The following HSD17B12 variants were observed in gnomAD, a reference collection of about 807,000 sequenced individuals.
The protein encoded by HSD17B12 is hydroxysteroid 17-beta dehydrogenase 12, also known as very-long-chain 3-oxoacyl-CoA reductase.
A neutral mutation model predicts 39.3 loss-of-function variants in HSD17B12; 32 were observed. The observed-to-expected ratio is 0.81, with a 90% confidence interval of 0.61 to 1.09. HSD17B12 has a LOEUF of 1.09. Among genes scored for constraint, HSD17B12 ranks in the 50% least tolerant of loss-of-function variants. The pLI, the probability that HSD17B12 is intolerant of heterozygous loss-of-function variation, is 0.00. For synonymous variants in HSD17B12, 150 were observed against 146.7 expected, an observed-to-expected ratio of 1.02 and a Z score of -0.16; for missense variants, 342 against 382.9, an observed-to-expected ratio of 0.89 and a Z score of 0.89.
the HSD17B12 span, among the ~76,000 whole-genome samples, chr11:43,605,003 G>T: frequency 1.3e-5 from 2 of 152,180 alleles, no homozygotes; most frequent in African/African-American, 4.8e-5. Context: ...ATGAGGATTT[G>T]TTGTTGGGAG....
At chr11:43,581,138 G>A in the HSD17B12 span, among the ~76,000 whole-genome samples, 1 of 152,134 alleles carries the variant, frequency 6.6e-6, no homozygotes, top group South Asian at 2.1e-4. The surrounding 1 kb of genome is among the most constrained non-coding windows in gnomAD (Gnocchi z 4.9). Flanking sequence ...GGTGGAGGCT[G>A]GGCTCCGGGA....
the HSD17B12 span, among the ~76,000 whole-genome samples, chr11:43,608,349 T>A: frequency 7.2e-6 from 1 of 139,582 alleles, no homozygotes; most frequent in Non-Finnish European, 1.6e-5. Flanking sequence ...GTGACCAGAG[T>A]GAGACTCTGT....
intron 9 of HSD17B12, among the ~76,000 whole-genome samples, chr11:43,848,885 C>G (rs1475119397): frequency 1.3e-5 from 2 of 152,214 alleles, no homozygotes; most frequent in Non-Finnish European, 2.9e-5. Flanking sequence ...TACTACCACT[C>G]TATCTGAGCC....
intron 9 of HSD17B12, chr11:43,852,068 C>T (rs938826904): frequency 5.9e-5 from 9 of 152,174 alleles, no homozygotes; most frequent in African/African-American, 2.2e-4. Flanking sequence ...TTTAAACCAT[C>T]GTGGAAATAA....
At chr11:43,770,514 G>T (rs1463115292) in intron 3 of HSD17B12, among the ~76,000 whole-genome samples, 1 of 152,194 alleles carries the variant, frequency 6.6e-6, no homozygotes, top group Non-Finnish European at 1.5e-5. Flanking sequence ...GATGGCTTGA[G>T]CCCAGAAGTT....
the HSD17B12 span, among the ~76,000 whole-genome samples, chr11:43,594,964 T>A: frequency 6.6e-6 from 1 of 152,198 alleles, no homozygotes; most frequent in African/African-American, 2.4e-5. Context: ...TTGGGACCAC[T>A]GTGGTATTTC....
At chr11:43,698,965 T>G (rs1215467964) in intron 1 of HSD17B12, among the ~76,000 whole-genome samples, 1 of 152,222 alleles carries the variant, frequency 6.6e-6, no homozygotes, top group Non-Finnish European at 1.5e-5. Context: ...TTTTTGTTAA[T>G]GTAAGCTTGT....
intron 1 of HSD17B12, among the ~76,000 whole-genome samples, chr11:43,712,296 A>G (rs147658614): frequency 0.052 from 7,898 of 152,082 alleles, 244 homozygotes; most frequent in Middle Eastern, 0.17. Context: ...GCATGGTGGC[A>G]TGTGCCTGTA....
the HSD17B12 span, among the ~76,000 whole-genome samples, chr11:43,597,233 A>G: frequency 9.5e-3 from 1,451 of 152,342 alleles, 22 homozygotes; most frequent in African/African-American, 0.034. Flanking sequence ...ATGCCTTGTA[A>G]GATGAGTAGG....
chr11:43,673,659 TTTTGTTTGTTTGTTTG>T, the HSD17B12 span, among the ~76,000 whole-genome samples: 451 of 148,954 alleles, frequency 3.0e-3, 4 homozygotes, highest in Non-Finnish European at 3.6e-3. Context: ...GCCCAGCTAG[TTTTGTTTGTTTGTTTG>T]TTTGTTTGTT....
chr11:43,631,392 A>G, the HSD17B12 span, among the ~76,000 whole-genome samples: 1 of 152,094 alleles, frequency 6.6e-6, no homozygotes, highest in African/African-American at 2.4e-5. Flanking sequence ...GCATCTTCCA[A>G]TTTTTCCAGA....
At chr11:43,587,072 G>A in the HSD17B12 span, among the ~76,000 whole-genome samples, 1 of 152,208 alleles carries the variant, frequency 6.6e-6, no homozygotes, top group African/African-American at 2.4e-5. Context: ...ATTCTATCTA[G>A]TCCCAACTAC....
chr11:43,676,211 G>GTA (rs1949693215), upstream of HSD17B12, among the ~76,000 whole-genome samples: 1 of 149,522 alleles, frequency 6.7e-6, no homozygotes, highest in Non-Finnish European at 1.5e-5. Context: ...GGAAGAGGGT[G>GTA]TGTGTGTGTG....
At chr11:43,648,413 T>G in the HSD17B12 span, among the ~76,000 whole-genome samples, 1 of 152,028 alleles carries the variant, frequency 6.6e-6, no homozygotes, top group Non-Finnish European at 1.5e-5. Flanking sequence ...GTTCCAGAAT[T>G]TGGCCTGCAA....
At chr11:43,787,890 G>A (rs1348159656) in intron 3 of HSD17B12, among the ~76,000 whole-genome samples, 3 of 152,046 alleles carry the variant, frequency 2.0e-5, no homozygotes, top group Non-Finnish European at 2.9e-5. Flanking sequence ...AACTACCAAA[G>A]TGGGAGATCC....
chr11:43,629,434 T>A, the HSD17B12 span, among the ~76,000 whole-genome samples: 1 of 152,220 alleles, frequency 6.6e-6, no homozygotes, highest in South Asian at 2.1e-4. Flanking sequence ...TTTTTGTTTG[T>A]CCTTTGTATT....
intron 1 of HSD17B12, among the ~76,000 whole-genome samples, chr11:43,691,613 C>A (rs1949863690): frequency 1.3e-5 from 2 of 152,200 alleles, no homozygotes; most frequent in Admixed American, 6.5e-5. Flanking sequence ...GTTTAATCTA[C>A]CAGTGAAGCC....
chr11:43,764,221 T>C (rs1390171372), intron 3 of HSD17B12, among the ~76,000 whole-genome samples: 4 of 152,178 alleles, frequency 2.6e-5, no homozygotes, highest in Non-Finnish European at 5.9e-5. Flanking sequence ...CAAAAGTTTA[T>C]GTTAGTACAT....
chr11:43,598,558 A>G, the HSD17B12 span, among the ~76,000 whole-genome samples: 1 of 151,512 alleles, frequency 6.6e-6, no homozygotes, highest in Non-Finnish European at 1.5e-5. Flanking sequence ...TACATCCTGC[A>G]GCTCTCTTCT....
Sources: gnomAD v4.1 joint callset for allele counts (sites outside exome capture counted in the v4.1 genomes callset) on GRCh38, gnomAD v4.1.1 for gene constraint, Gnocchi (gnomAD v3.1) non-coding constraint, MANE v1.5 for transcripts, NCBI Gene and HGNC (gene_info 2026-07-23, HGNC 2026-07-21) for gene names.